The following HOOK2 variants were observed in gnomAD, a reference collection of about 807,000 sequenced individuals.
HOOK2 encodes the protein protein Hook homolog 2.
In HOOK2, 108 loss-of-function variants were observed where a neutral mutation model predicts 111.9. The observed-to-expected ratio is 0.96, with a 90% CI of 0.83 to 1.13. The LOEUF is 1.13. HOOK2 is among the 50% of genes most tolerant of loss of function. The pLI is 0.00. For synonymous variants in HOOK2, 405 were observed against 394.3 expected (o/e 1.03, Z -0.32); for missense variants, 978 against 951.3 (o/e 1.03, Z -0.37).
At chr19:12,767,500 C>T (rs550071775) in intron 13 of HOOK2, 36 bp from the exon 14 acceptor site, 1 of 1,536,964 alleles carries the variant, frequency 6.5e-7, no homozygotes, top group Non-Finnish European at 9.0e-7. Flanking sequence ...GGTCTCTTCG[C>T]ATCCCCTGTC....
Position 12,770,918 on chromosome 19 carries a change from A to G in HOOK2, c.902+14T>C. The G allele has an allele frequency of 6.3e-7, 1 of 1,586,766 alleles. No individual in the cohort carries two copies. The highest frequency in any genetic ancestry group is 8.6e-7 in the Non-Finnish European group (1 of 1,160,212). ...CCGCCCCCCGTGATGGGGACCCAGG[A>G]ACCCACCACTCACCGTAGTTCATCC... is the stretch of plus-strand genomic sequence containing the variant. On this transcript the variant is annotated intron_variant, in intron 10 of 22. Transcript: ENST00000397668.
At chr19:12,770,455 G>A (rs774030530) in intron 10 of HOOK2, among the ~76,000 whole-genome samples, 4 of 151,826 alleles carry the variant, frequency 2.6e-5, no homozygotes, top group South Asian at 2.1e-4. Context: ...ATTGGGGGGT[G>A]CACTAGTACC....
upstream of HOOK2, among the ~76,000 whole-genome samples, chr19:12,780,448 C>T (rs544103452): frequency 6.6e-6 from 1 of 151,452 alleles, no homozygotes; most frequent in Non-Finnish European, 1.5e-5. Flanking sequence ...GCTCCGCCTC[C>T]CGGGTTCACA....
upstream of HOOK2, among the ~76,000 whole-genome samples, chr19:12,779,852 G>C (rs1040287236): frequency 7.2e-5 from 11 of 152,270 alleles, no homozygotes; most frequent in Admixed American, 2.0e-4. Context: ...ATCCTTGTCC[G>C]TAACATCCAG....
At chr19:12,776,672 TC>T (rs1369404450), upstream of HOOK2, among the ~76,000 whole-genome samples, 1 of 61,344 alleles carries the variant, frequency 1.6e-5, no homozygotes, top group African/African-American at 7.4e-5. Context: ...GCAAGACTCC[TC>T]AAAAAAAAAA....
chr19:12,775,635 T>C (rs555060854), upstream of HOOK2: 2,575 of 444,892 alleles, frequency 5.8e-3, 14 homozygotes, highest in Admixed American at 0.012. Flanking sequence ...CGTAATCTCC[T>C]CCCTACGCCC....
intron 3 of HOOK2, among the ~76,000 whole-genome samples, chr19:12,773,428 G>C (rs998123269): frequency 6.6e-6 from 1 of 151,232 alleles, no homozygotes; most frequent in Non-Finnish European, 1.5e-5. Flanking sequence ...TTTTTTATTT[G>C]TAGAGAGGAG....
At chr19:12,784,855 T>C (rs915903720) in intron 3 of HOOK2, 24 of 152,036 alleles carry the variant, frequency 1.6e-4, no homozygotes, top group African/African-American at 5.8e-4. Context: ...GGGACAGAGA[T>C]GATGTGTTCA....
rs1156244231 is a variant in HOOK2, at chr19:12,771,252, C to T, written c.668G>A (p.Gly223Asp). The T allele has an allele frequency of 6.2e-7, 1 of 1,607,108 alleles. No homozygotes were observed. The highest frequency in any genetic ancestry group is 8.5e-7 in the Non-Finnish European group (1 of 1,176,704). The change falls in exon 9 of 23, where the codon GGC becomes GAC. Residue 223 changes from glycine to aspartate, a missense_variant. Gly to Asp is a moderately conservative substitution (Grantham distance 94). Around this residue, in one of 5 missense-constraint regions of HOOK2, gnomAD observed 301 missense variants for 286.1 expected, o/e 1.05. Transcript: ENST00000397668. ...TGGGGTACCCTCGCCTTCAGGCCGG[C>T]CCATCCGCTCCCGCAGCCCTGCATT... ...QENAGLRERM[G>D]RPEGEGTPGL...
upstream of HOOK2, among the ~76,000 whole-genome samples, chr19:12,783,031 T>C (rs1453791229): frequency 1.3e-5 from 2 of 152,034 alleles, no homozygotes; most frequent in Non-Finnish European, 2.9e-5. Flanking sequence ...AGAAGGGGGC[T>C]GGGGTCAGCG....
chr19:12,774,996 G>T, intron 1 of HOOK2, 99 bp from the exon 2 acceptor site: 1 of 1,253,088 alleles, frequency 8.0e-7, no homozygotes, highest in South Asian at 1.3e-5. Context: ...CTCACATGGT[G>T]GGGCGGGCGC....
rs768711887 is a variant in HOOK2 at position 12,767,937 on chromosome 19, C to T, written c.1216-34G>A. The T allele has an allele frequency of 2.5e-6, 4 of 1,610,842 alleles. No individual in the cohort carries two copies. The African/African-American group carries it at 4.0e-5, about 16-fold the overall frequency. Reference sequence around the variant, plus strand: ...ACAGGGTACAAGACACTCCACGGGTCAGGCTCGGCCTCCTGGGAAATGGGC... The same window carrying T: ...ACAGGGTACAAGACACTCCACGGGTTAGGCTCGGCCTCCTGGGAAATGGGC... On this transcript the variant is annotated intron_variant, in intron 12 of 22. Transcript: ENST00000397668.
chr19:12,772,728 GGAA>G lies in HOOK2; in HGVS notation c.388+49_389-49del, dbSNP rs755791177. On this transcript the variant is annotated intron_variant, in intron 5 of 22. Coordinates refer to ENST00000397668, the MANE Select transcript of HOOK2 (RefSeq NM_013312.3). ...CTGAGACCCAGGGGTGAGGTGGGGA[GGAA>G]GGAGGATTTCCTCAGGCCAGCCCTG... 18 of 1,612,280 alleles carry G rather than the reference GGAA, an allele frequency of 1.1e-5. No individual in the cohort carries two copies. In the East Asian group the frequency reaches 4.0e-4, roughly 36 times the overall value.
intron 3 of HOOK2, among the ~76,000 whole-genome samples, chr19:12,788,554 C>T (rs377278985): frequency 6.6e-6 from 1 of 152,010 alleles, no homozygotes; most frequent in African/African-American, 2.4e-5. Context: ...TCCTTGCCCT[C>T]CTCCTGGGAT....
rs1968717146 is a variant in HOOK2 at position 12,791,665 on chromosome 19, C to G, written n.42-17440G>C. The G allele has an allele frequency of 1.3e-6, 1 of 781,728 alleles. No individual in the cohort carries two copies. The highest frequency in any genetic ancestry group is 1.9e-6 in the Non-Finnish European group (1 of 531,432). 48.4% of individuals were successfully genotyped at this position (781,728 alleles called of 1,614,324 possible). ...GCCCGCGCCAGCCCCCGAGAACGCG[C>G]GACCAGGCACCCAGTCCGGTCACCG... On this transcript the variant is annotated intron_variant and non_coding_transcript_variant, in intron 3 of 3. Transcript: ENST00000589765. This position sits in a 1 kb window ranked among gnomAD's most constrained non-coding sequence, Gnocchi z 7.0.
Position 12,765,903 on chromosome 19 carries a change from T to C in HOOK2, c.1599+24A>G, listed in dbSNP as rs1968131113. The C allele has an allele frequency of 3.1e-6, 5 of 1,613,020 alleles. No individual in the cohort carries two copies. The South Asian group carries it at 5.5e-5, about 18-fold the overall frequency. ...TTCGGGGCACAAGGGAGGGCCAGGC[T>C]GGGAGGTGGTGGGTGACACTCACAT... On this transcript the variant is annotated intron_variant, in intron 16 of 22. Transcript: ENST00000397668.
chr19:12,785,445 A>G (rs1317568414), intron 3 of HOOK2, among the ~76,000 whole-genome samples: 1 of 151,942 alleles, frequency 6.6e-6, no homozygotes, highest in Non-Finnish European at 1.5e-5. Flanking sequence ...AACAGATCAT[A>G]TACACACATA....
In HOOK2 at chr19:12,785,296, T is replaced by TCA. The variant is rs112239571; in HGVS notation, n.42-11073_42-11072dup. ...CACAAACCAGCCACAGACCTCTTTT[T>TCA]CACACACACACACACACACCAGATC... On this transcript the variant is annotated intron_variant and non_coding_transcript_variant, in intron 3 of 3. Transcript: ENST00000589765. Among the ~76,000 whole-genome samples the TCA allele has an allele frequency of 9.8e-3, 1,412 of 143,864 alleles. 6 individuals are homozygous for TCA. Among genetic ancestry groups the TCA allele is most frequent in the Middle Eastern group, 0.024 (6 of 254 alleles). The allele number at this position is 143,864 out of a possible 152,430, so 94.4% of individuals were successfully genotyped here. A position where few individuals can be genotyped will look rare whatever the true frequency, so the allele number is the denominator to read the frequency against.
intron 13 of HOOK2, 115 bp from the exon 14 acceptor site, chr19:12,767,579 G>T (rs1054445104): frequency 1.1e-5 from 11 of 995,436 alleles, no homozygotes; most frequent in African/African-American, 1.6e-5. Flanking sequence ...AGTCTGGCTT[G>T]ACACAAGCTC....
Sources: gnomAD v4.1 joint callset for allele counts (sites outside exome capture counted in the v4.1 genomes callset) on GRCh38, gnomAD v4.1.1 for gene constraint, gnomAD v4.1.1 regional missense constraint, Gnocchi (gnomAD v3.1) non-coding constraint, MANE v1.5 for transcripts, NCBI Gene and HGNC (gene_info 2026-07-23, HGNC 2026-07-21) for gene names.